Variants in CIP2A observed in about 807,000 individuals in gnomAD.
CIP2A encodes cellular inhibitor of PP2A, also known as protein CIP2A.
In CIP2A, 103 loss-of-function variants were observed where a neutral mutation model predicts 110.9. The observed-to-expected ratio is 0.93, with a 90% CI of 0.79 to 1.09. The LOEUF (loss-of-function observed/expected upper bound fraction) is 1.09. Ranked by LOEUF, CIP2A falls within the 50% of genes least tolerant of loss-of-function variation. The pLI, the probability that CIP2A is intolerant of heterozygous loss-of-function variation, is 0.00. For synonymous variants in CIP2A, 381 were observed against 361.6 expected, an observed-to-expected ratio of 1.05 and a Z score of -0.61; for missense variants, 1,088 against 1,038.4, an observed-to-expected ratio of 1.05 and a Z score of -0.66.
intron 2 of CIP2A, among the ~76,000 whole-genome samples, chr3:108,583,718 G>GT (rs1191219408): frequency 6.6e-6 from 1 of 152,074 alleles, no homozygotes; most frequent in African/African-American, 2.4e-5. Context: ...GTAGAGTAAG[G>GT]TGACTATAGT....
chr3:108,588,558 G>C (rs772996589), intron 1 of CIP2A, among the ~76,000 whole-genome samples: 2 of 152,122 alleles, frequency 1.3e-5, no homozygotes, highest in Non-Finnish European at 2.9e-5. Flanking sequence ...CTGTGACACA[G>C]AGAGTTAAAA....
chr3:108,576,399 C>A, intron 7 of CIP2A, 53 bp from the exon 8 acceptor site: 1 of 927,496 alleles, frequency 1.1e-6, no homozygotes, highest in Non-Finnish European at 1.6e-6. Context: ...ATTGATACAT[C>A]AAAAGGGATT....
chr3:108,575,321 TAC>T (rs1440369066), intron 8 of CIP2A, among the ~76,000 whole-genome samples: 20 of 150,968 alleles, frequency 1.3e-4, no homozygotes, highest in Admixed American at 4.6e-4. Context: ...CACGTGCATG[TAC>T]ACACACGTGT....
At chr3:108,568,880 T>A (rs147954176) in intron 9 of CIP2A, among the ~76,000 whole-genome samples, 1 of 151,816 alleles carries the variant, frequency 6.6e-6, no homozygotes, top group South Asian at 2.1e-4. Context: ...TTAGACAGAA[T>A]GGATTTATAA....
intron 4 of CIP2A, 130 bp from the exon 5 acceptor site, chr3:108,581,641 A>G: frequency 1.7e-6 from 1 of 604,664 alleles, no homozygotes; most frequent in Non-Finnish European, 2.9e-6. Context: ...CAAAAAAAAA[A>G]ACTAATTAAC....
Position 108,576,301 on chromosome 3 carries a change from A to G in CIP2A, c.864T>C (p.Leu288=), listed in dbSNP as rs1233497396. 3.2e-6 allele frequency: 5 copies of G among 1,567,508 alleles called. 2 individuals are homozygous for G. In the South Asian group the frequency reaches 6.0e-5, roughly 19 times the overall value. The stretch of plus-strand genomic sequence containing the variant: ...AAGAGGAATCAGGATCCTTTCCATT[A>G]AGAAGACCTAATACTTGGTGAAGAC... The part of the protein sequence containing the change: ...SSCLHQVLGL[L]NGKDPDSSSK... The change falls in exon 8 of 21, where the codon CTT becomes CTC. Residue 288 remains leucine, a synonymous_variant. Transcript: ENST00000295746.
intron 16 of CIP2A, 120 bp from the exon 17 acceptor site, chr3:108,557,534 A>G (rs1937852229): frequency 7.7e-6 from 5 of 648,826 alleles, no homozygotes; most frequent in African/African-American, 1.8e-5. Flanking sequence ...GGTCATGCAA[A>G]GCTGTATTAG....
chr3:108,574,033 C>T (rs959572571), intron 8 of CIP2A, among the ~76,000 whole-genome samples: 3 of 151,940 alleles, frequency 2.0e-5, no homozygotes, highest in South Asian at 4.1e-4. Context: ...AAATGGAACA[C>T]AATAAACACT....
chr3:108,554,594 T>C (rs2045095), intron 17 of CIP2A, 105 bp from the exon 18 acceptor site: 221,281 of 565,632 alleles, frequency 0.39, 44,752 homozygotes, highest in East Asian at 0.53. Flanking sequence ...CCAAATTGCA[T>C]ATGCTGGAAG....
intron 18 of CIP2A, 73 bp from the exon 19 acceptor site, chr3:108,553,803 A>G: frequency 3.0e-6 from 4 of 1,314,712 alleles, no homozygotes; most frequent in Non-Finnish European, 4.1e-6. Flanking sequence ...CTCCCTACCA[A>G]GCACTTTGGG....
Position 108,557,252 on chromosome 3 carries a change from T to G in CIP2A, c.2176A>C (p.Ile726Leu). ...KLESVAEEHE[I>L]LTKSYMELLQ... ...AGTTCCATGTAGGATTTTGTCAGTA[T>G]TTCATGTTCTTCAGCCACAGACTCT... The change falls in exon 17 of 21, where the codon ATA becomes CTA. Residue 726 changes from isoleucine (I) to leucine (L), a missense_variant. Physicochemically the swap from Ile to Leu is conservative, Grantham distance 5. Coordinates refer to ENST00000295746, the MANE Select transcript of CIP2A (RefSeq NM_020890.3). The G allele has an allele frequency of 6.2e-7, 1 of 1,603,424 alleles. No homozygotes were observed. Among genetic ancestry groups the G allele is most frequent in the Non-Finnish European group, 8.5e-7 (1 of 1,172,840 alleles).
chr3:108,581,448 G>A lies in CIP2A; in HGVS notation c.516C>T (p.His172=). ...CLGLLANLCR[H]NLSVQTHIKT... is the part of the protein sequence containing the mutation. Reference sequence around the variant, plus strand: ...TTATGTGCGTTTGAACAGAAAGATTGTGCCGACAAAGATTTGCCAATAATC... The same window carrying A: ...TTATGTGCGTTTGAACAGAAAGATTATGCCGACAAAGATTTGCCAATAATC... The change falls in exon 5 of 21, where the codon CAC becomes CAT. Residue 172 remains histidine, a synonymous_variant. Coordinates refer to ENST00000295746, the MANE Select transcript of CIP2A (RefSeq NM_020890.3). 2 of 1,612,900 alleles carry A rather than the reference G, an allele frequency of 1.2e-6. No individual in the cohort carries two copies. The highest frequency in any genetic ancestry group is 1.7e-6 in the Non-Finnish European group (2 of 1,179,128).
rs191673808 is a variant in CIP2A, at chr3:108,581,392, T to C, written c.549+23A>G. 1.1e-3 allele frequency: 1,642 copies of C among 1,516,536 alleles called. 8 individuals carry two copies. In the Middle Eastern group the frequency reaches 0.016, roughly 15 times the overall value. The allele number at this position is 1,516,536 out of a possible 1,614,324, so 93.9% of individuals were successfully genotyped here. ...AGAATCTACCATAAAACAAGAAACA[T>C]TAAAAAGAAATAAACTTCTTACCAA... is the stretch of plus-strand genomic sequence containing the variant. On this transcript the variant is annotated intron_variant, in intron 5 of 20. Transcript: ENST00000295746.
chr3:108,572,732 A>AT (rs1363570361), intron 8 of CIP2A, among the ~76,000 whole-genome samples: 1 of 143,956 alleles, frequency 6.9e-6, no homozygotes, highest in Non-Finnish European at 1.5e-5. Context: ...TAGATTTTAG[A>AT]TTTTCTATAC....
intron 8 of CIP2A, among the ~76,000 whole-genome samples, chr3:108,572,795 C>A (rs993745653): frequency 6.6e-6 from 1 of 151,792 alleles, no homozygotes; most frequent in African/African-American, 2.4e-5. Flanking sequence ...ATCTCTATAT[C>A]TTTTTAATTT....
At position 108,559,768 on chromosome 3, in the gene CIP2A, CTTGAG is replaced by C. The variant is rs1290108307; in HGVS notation, c.1997_2001del (p.Thr666SerfsTer2). On this transcript the variant is annotated frameshift_variant, in exon 16 of 21. Transcript: ENST00000295746. LOFTEE classifies it high-confidence loss of function. Reference sequence around the variant, plus strand: ...TATATTCTACACACCTCTGTTTCAGCTTGAGTTCTTTGACAGCGATGCTGAGCAAT... The same window carrying C: ...TATATTCTACACACCTCTGTTTCAGCTTCTTTGACAGCGATGCTGAGCAAT... 2 of 1,578,386 alleles carry C rather than the reference CTTGAG, an allele frequency of 1.3e-6. No homozygotes were observed. Among genetic ancestry groups the C allele is most frequent in the Non-Finnish European group, 1.7e-6 (2 of 1,155,314 alleles).
Position 108,579,439 on chromosome 3 carries a change from T to G in CIP2A, c.673-13A>C. 6.3e-7 allele frequency: 1 copy of G among 1,593,002 alleles called. No individual in the cohort carries two copies. The highest frequency in any genetic ancestry group is 1.2e-5 in the South Asian group (1 of 86,810). On this transcript the variant is annotated splice_polypyrimidine_tract_variant and intron_variant, in intron 6 of 20. Coordinates refer to ENST00000295746, the MANE Select transcript of CIP2A (RefSeq NM_020890.3). The stretch of plus-strand genomic sequence containing the variant: ...GAGCATGGAATAGCTTAAGGACAAA[T>G]TAGAAAAAGCATATTAGACAAAAAA...
chr3:108,557,252 T>C lies in CIP2A; in HGVS notation c.2176A>G (p.Ile726Val). The C allele has an allele frequency of 1.2e-6, 2 of 1,603,424 alleles. No homozygotes were observed. Among genetic ancestry groups the C allele is most frequent in the Non-Finnish European group, 1.7e-6 (2 of 1,172,840 alleles). Residue 726 changes from isoleucine to valine, a missense_variant, in exon 17 of 21, where the codon ATA becomes GTA. Coordinates refer to ENST00000295746, the MANE Select transcript of CIP2A (RefSeq NM_020890.3). ...AGTTCCATGTAGGATTTTGTCAGTATTTCATGTTCTTCAGCCACAGACTCT... is the reference window on the plus strand; with the variant it reads ...AGTTCCATGTAGGATTTTGTCAGTACTTCATGTTCTTCAGCCACAGACTCT... ...KLESVAEEHE[I>V]LTKSYMELLQ... is the part of the protein sequence containing the mutation.
intron 8 of CIP2A, among the ~76,000 whole-genome samples, chr3:108,571,459 C>T (rs1938400380): frequency 6.6e-6 from 1 of 152,122 alleles, no homozygotes. Flanking sequence ...TAATGCATGA[C>T]TATATTTATT....
Sources: gnomAD v4.1 joint callset for allele counts (sites outside exome capture counted in the v4.1 genomes callset) on GRCh38, gnomAD v4.1.1 for gene constraint, MANE v1.5 for transcripts, NCBI Gene and HGNC (gene_info 2026-07-23, HGNC 2026-07-21) for gene names.